The following AFG2A variants were observed in gnomAD, a reference collection of about 807,000 sequenced individuals.
AFG2A encodes the protein ATPase family gene 2 protein homolog A.
At chr4:123,184,905 T>G in the AFG2A span, among the ~76,000 whole-genome samples, 1 of 152,324 alleles carries the variant, frequency 6.6e-6, no homozygotes, top group African/African-American at 2.4e-5. Flanking sequence ...TAATGTTGAT[T>G]CTTTGGTTAG....
At chr4:123,057,295 A>C in the AFG2A span, 17 of 1,609,710 alleles carry the variant, frequency 1.1e-5, no homozygotes, top group Non-Finnish European at 1.4e-5. Flanking sequence ...GCAGGTAAGA[A>C]GTATTTAATA....
chr4:123,040,537 A>G, the AFG2A span, among the ~76,000 whole-genome samples: 1 of 152,192 alleles, frequency 6.6e-6, no homozygotes, highest in Admixed American at 6.5e-5. Flanking sequence ...GTCTTTTTAG[A>G]TCCCACAATA....
the AFG2A span, among the ~76,000 whole-genome samples, chr4:123,202,860 A>T: frequency 6.6e-6 from 1 of 152,012 alleles, no homozygotes; most frequent in African/African-American, 2.4e-5. Context: ...CAGTTTTGTC[A>T]TTCTAAAAAT....
chr4:123,143,434 G>T, the AFG2A span, among the ~76,000 whole-genome samples: 2 of 151,898 alleles, frequency 1.3e-5, no homozygotes, highest in Admixed American at 1.3e-4. Flanking sequence ...TCACATCTGT[G>T]CCTTTCTTTC....
the AFG2A span, among the ~76,000 whole-genome samples, chr4:123,026,189 T>TGA: frequency 6.6e-6 from 1 of 151,728 alleles, no homozygotes; most frequent in Non-Finnish European, 1.5e-5. Context: ...TCCACTTGGG[T>TGA]GAGAGGGTTG....
the AFG2A span, among the ~76,000 whole-genome samples, chr4:122,979,068 C>G: frequency 1.3e-5 from 2 of 152,240 alleles, no homozygotes; most frequent in Non-Finnish European, 2.9e-5. Flanking sequence ...CCTGCCTGTT[C>G]CCAGCTCCCA....
the AFG2A span, among the ~76,000 whole-genome samples, chr4:123,036,906 T>C: frequency 6.6e-6 from 1 of 152,118 alleles, no homozygotes; most frequent in Admixed American, 6.5e-5. Context: ...TTTCCCAGAA[T>C]GGCCTTCTGT....
the AFG2A span, among the ~76,000 whole-genome samples, chr4:123,257,792 A>G: frequency 1.3e-5 from 2 of 152,244 alleles, no homozygotes; most frequent in African/African-American, 4.8e-5. Flanking sequence ...TGAGCCGAGT[A>G]AACTAGAAGA....
chr4:123,233,908 A>G, the AFG2A span, among the ~76,000 whole-genome samples: 3,275 of 152,194 alleles, frequency 0.022, 64 homozygotes, highest in Non-Finnish European at 0.035. Flanking sequence ...TCTGTCAGAA[A>G]CAGCTTATAG....
chr4:123,254,568 CAGAG>C, the AFG2A span, among the ~76,000 whole-genome samples: 3,366 of 152,252 alleles, frequency 0.022, 111 homozygotes, highest in African/African-American at 0.076. Flanking sequence ...TAGATACACA[CAGAG>C]AGAGATTTAG....
At chr4:123,103,434 A>T in the AFG2A span, among the ~76,000 whole-genome samples, 1 of 152,076 alleles carries the variant, frequency 6.6e-6, no homozygotes, top group Non-Finnish European at 1.5e-5. Context: ...TGAGCACTTT[A>T]CATGTATTTT....
chr4:122,989,771 T>G, the AFG2A span, among the ~76,000 whole-genome samples: 2 of 152,306 alleles, frequency 1.3e-5, no homozygotes, highest in Non-Finnish European at 1.5e-5. Context: ...AGTATTTCTC[T>G]CCACATTGTG....
At chr4:123,268,954 A>C in the AFG2A span, among the ~76,000 whole-genome samples, 1 of 152,196 alleles carries the variant, frequency 6.6e-6, no homozygotes, top group Non-Finnish European at 1.5e-5. Flanking sequence ...CTATTTTTCA[A>C]TTGAGAATAA....
the AFG2A span, among the ~76,000 whole-genome samples, chr4:122,979,850 G>A: frequency 6.6e-6 from 1 of 152,098 alleles, no homozygotes; most frequent in African/African-American, 2.4e-5. Flanking sequence ...GTGAGCCATG[G>A]TTATGCCACT....
the AFG2A span, chr4:122,947,495 G>A: frequency 6.2e-7 from 1 of 1,603,120 alleles, no homozygotes; most frequent in Non-Finnish European, 8.5e-7. Flanking sequence ...GCAGGTGAGT[G>A]TGGTTTGCTA....
the AFG2A span, among the ~76,000 whole-genome samples, chr4:123,226,670 T>C: frequency 5.9e-5 from 9 of 152,312 alleles, no homozygotes; most frequent in East Asian, 1.3e-3. Context: ...TCTAAAATTC[T>C]CTTTTTTTGT....
chr4:123,230,263 T>G, the AFG2A span, among the ~76,000 whole-genome samples: 1 of 152,066 alleles, frequency 6.6e-6, no homozygotes, highest in African/African-American at 2.4e-5. Context: ...TCTCTGCCAC[T>G]GCTTTATCAA....
chr4:123,085,954 G>T, the AFG2A span, among the ~76,000 whole-genome samples: 2 of 151,796 alleles, frequency 1.3e-5, no homozygotes, highest in African/African-American at 4.8e-5. Context: ...GGTAGTGCAA[G>T]TACCTTATAA....
chr4:122,972,363 C>G, the AFG2A span, among the ~76,000 whole-genome samples: 1 of 151,906 alleles, frequency 6.6e-6, no homozygotes, highest in East Asian at 1.9e-4. Flanking sequence ...CTTTTTCATT[C>G]CTAGTATTGG....
Sources: gnomAD v4.1 joint callset for allele counts (sites outside exome capture counted in the v4.1 genomes callset) on GRCh38, gnomAD v4.1.1 for gene constraint, MANE v1.5 for transcripts, NCBI Gene and HGNC (gene_info 2026-07-23, HGNC 2026-07-21) for gene names.